LRWD1: variants seen among roughly 807,000 people sequenced by gnomAD.
LRWD1 encodes leucine-rich repeat and WD repeat-containing protein 1.
LRWD1 carries 76 observed loss-of-function variants against 75.6 expected under a neutral mutation model. That is an observed-to-expected ratio of 1.01 (90% confidence interval 0.84 to 1.22). LRWD1 has a LOEUF of 1.22. LRWD1 is among the 50% of genes most tolerant of loss of function. The pLI, the probability that LRWD1 is intolerant of heterozygous loss-of-function variation, is 0.00. For missense variants in LRWD1, 917 were observed against 862.0 expected (o/e 1.06, Z -0.80); for synonymous variants, 487 against 377.0 (o/e 1.29, Z -3.38).
intron 11 of LRWD1, chr7:102,471,840 C>G: frequency 4.3e-6 from 1 of 235,154 alleles, no homozygotes; most frequent in Admixed American, 5.1e-5. Context: ...GCAGATGCCC[C>G]CAACAGCCCC....
intron 11 of LRWD1, 129 bp from the exon 12 acceptor site, chr7:102,472,089 T>C (rs1798209841): frequency 3.7e-6 from 3 of 810,720 alleles, no homozygotes; most frequent in Middle Eastern, 3.5e-4. Context: ...ATGTATCTCT[T>C]TGGTGGCATC....
At chr7:102,467,288 TCCGGAGGAGCTGGGGTGGGCCGGGC>T in intron 3 of LRWD1, 26 bp from the exon 4 acceptor site, 1 of 1,546,590 alleles carries the variant, frequency 6.5e-7, no homozygotes, top group Non-Finnish European at 8.7e-7. Flanking sequence ...GAGGGCTGGG[TCCGGAGGAGCTGGGGTGGGCCGGGC>T]CTGGATCTGG....
chr7:102,466,096 CTG>C, intron 2 of LRWD1, 45 bp downstream of exon 2: 2 of 1,612,546 alleles, frequency 1.2e-6, no homozygotes, highest in East Asian at 4.5e-5. Context: ...GGCCAGGACT[CTG>C]TTGGGCTCAG....
rs1007523343 is a variant in LRWD1, at chr7:102,465,489, C to CTT, written c.81-293_81-292dup. On this transcript the variant is annotated intron_variant, in intron 1 of 14. Coordinates refer to ENST00000292616, the MANE Select transcript of LRWD1 (RefSeq NM_152892.3). ...CCCCCGAGTCCTAAAGTAGTTGCAG[C>CTT]TTTTTTTTTTTTTTTTTTTTTTTTT... 466 of 73,588 alleles carry CTT rather than the reference C, an allele frequency of 6.3e-3. 36 individuals are homozygous for CTT. Among genetic ancestry groups the CTT allele is most frequent in the Non-Finnish European group, 8.6e-3 (310 of 35,888 alleles). 4.6% of individuals were successfully genotyped at this position (73,588 alleles called of 1,614,324 possible).
intron 3 of LRWD1, 47 bp downstream of exon 3, chr7:102,466,317 T>C (rs775099065): frequency 1.4e-6 from 2 of 1,473,226 alleles, no homozygotes; most frequent in South Asian, 1.1e-5. Flanking sequence ...TGTGGGGGCA[T>C]TGGGAGAATG....
rs1797932813 is a variant in LRWD1, at chr7:102,465,488, G to GTTTTTTTTTTTTTTTTTTTTT, written c.80+328_81-328insTTTTTTTTTTTTTTTTTTTTT. Reference sequence around the variant, plus strand: ...GCCCCCGAGTCCTAAAGTAGTTGCAGCTTTTTTTTTTTTTTTTTTTTTTTT... The same window carrying GTTTTTTTTTTTTTTTTTTTTT: ...GCCCCCGAGTCCTAAAGTAGTTGCAGTTTTTTTTTTTTTTTTTTTTTCTTTTTTTTTTTTTTTTTTTTTTTT... On this transcript the variant is annotated intron_variant, in intron 1 of 14. Coordinates refer to ENST00000292616, the MANE Select transcript of LRWD1 (RefSeq NM_152892.3). 6 of 107,662 alleles carry GTTTTTTTTTTTTTTTTTTTTT rather than the reference G, an allele frequency of 5.6e-5. 2 individuals carry two copies. The highest frequency in any genetic ancestry group is 2.2e-4 in the Admixed American group (2 of 8,956). The allele number at this position is 107,662 out of a possible 1,614,324, so 6.7% of individuals were successfully genotyped here.
In LRWD1 at chr7:102,469,047, G is replaced by A. The variant is rs535806746; in HGVS notation, c.1213G>A (p.Glu405Lys). ...IATLCFSPAH[E>K]THLFTASYDK... ...CACCCTGTGCTTCAGCCCCGCCCAC[G>A]AGACCCATCTCTTCAGTAAGCCCCT... Residue 405 changes from glutamate to lysine, a missense_variant, in exon 9 of 15, where the codon GAG becomes AAG. Coordinates refer to ENST00000292616, the MANE Select transcript of LRWD1 (RefSeq NM_152892.3). 19 of 1,606,950 alleles carry A rather than the reference G, an allele frequency of 1.2e-5. No individual in the cohort carries two copies. The African/African-American group carries it at 1.2e-4, about 10-fold the overall frequency.
At chr7:102,466,310 G>A (rs1213364757) in intron 3 of LRWD1, 40 bp downstream of exon 3, 1 of 1,497,272 alleles carries the variant, frequency 6.7e-7, no homozygotes, top group Non-Finnish European at 9.3e-7. Flanking sequence ...TAGGAGCTGT[G>A]GGGGCATTGG....
Position 102,467,171 on chromosome 7 carries a change from G to GTGTGTGTGTGTGTGT in LRWD1, c.433-168_433-167insTGTGTGTGTGTGTGT, listed in dbSNP as rs1554579596. On this transcript the variant is annotated intron_variant, in intron 3 of 14. Transcript: ENST00000292616. The stretch of plus-strand genomic sequence containing the variant: ...TGGGTTGTTGCTGGGGTGTGTGTGG[G>GTGTGTGTGTGTGTGT]GTGTGTGTGTGTGTGTGTGTGTGTG... Among the ~76,000 whole-genome samples, 52 of 99,146 alleles carry GTGTGTGTGTGTGTGT rather than the reference G, an allele frequency of 5.2e-4. 2 individuals carry two copies. Among genetic ancestry groups the GTGTGTGTGTGTGTGT allele is most frequent in the African/African-American group, 1.6e-3 (36 of 22,810 alleles). The allele number at this position is 99,146 out of a possible 152,430, so 65.0% of individuals were successfully genotyped here.
rs777355392 is a variant in LRWD1, at chr7:102,465,860, C to CT, written c.125dup (p.Leu43ProfsTer11). The CT allele has an allele frequency of 1.2e-6, 2 of 1,613,514 alleles. No individual in the cohort carries two copies. Among genetic ancestry groups the CT allele is most frequent in the Admixed American group, 3.3e-5 (2 of 60,010 alleles). Reference sequence around the variant, plus strand: ...GCTTTCCGAGCACCTGGACCCCAAACTCCTGTGCCGCCTGACGCAGCTGCA... The same window carrying CT: ...GCTTTCCGAGCACCTGGACCCCAAACTTCCTGTGCCGCCTGACGCAGCTGCA... On this transcript the variant is annotated frameshift_variant, in exon 2 of 15. Coordinates refer to ENST00000292616, the MANE Select transcript of LRWD1 (RefSeq NM_152892.3). LOFTEE classifies it high-confidence loss of function.
chr7:102,465,895 CCTGT>C lies in LRWD1; in HGVS notation c.162_165del (p.Ser55ThrfsTer49), dbSNP rs1481807763. 2.5e-6 allele frequency: 4 copies of C among 1,613,708 alleles called. No individual in the cohort carries two copies. Among genetic ancestry groups the C allele is most frequent in the Non-Finnish European group, 3.4e-6 (4 of 1,180,020 alleles). On this transcript the variant is annotated frameshift_variant, in exon 2 of 15. Transcript: ENST00000292616. LOFTEE classifies it high-confidence loss of function. ...GCCTGACGCAGCTGCAGGAGCTTGA[CCTGT>C]CTAACAACCACCTGGAGACGCTGCC...
chr7:102,468,418 T>C (rs1197533371), intron 7 of LRWD1, 41 bp downstream of exon 7: 2 of 1,556,918 alleles, frequency 1.3e-6, no homozygotes, highest in African/African-American at 1.4e-5. Context: ...CCGCTGGAAA[T>C]AGGGCCGCCT....
chr7:102,467,918 G>T, intron 5 of LRWD1, 95 bp downstream of exon 5: 1 of 1,500,038 alleles, frequency 6.7e-7, no homozygotes, highest in Non-Finnish European at 9.0e-7. Flanking sequence ...TGCCCAGGAA[G>T]CACCCCAGGT....
chr7:102,468,232 G>T (rs772193774), intron 6 of LRWD1, 31 bp from the exon 7 acceptor site: 1 of 1,599,020 alleles, frequency 6.3e-7, no homozygotes, highest in East Asian at 2.3e-5. Context: ...AGTCGGGGCT[G>T]GGCAGCTGTG....
Position 102,472,527 on chromosome 7 carries a change from G to T in LRWD1, c.1608G>T (p.Gln536His). The T allele has an allele frequency of 1.3e-6, 2 of 1,577,318 alleles. No individual in the cohort carries two copies. The highest frequency in any genetic ancestry group is 1.7e-6 in the Non-Finnish European group (2 of 1,163,118). ...AGACGTGGGGGGGCCGGGGCAGCCA[G>T]TCCACGGTGGCAGTGGTGGTCCTGG... ...WRQTWGGRGSQSTVAVVVLAR... is the reference protein window; with the variant it reads ...WRQTWGGRGSHSTVAVVVLAR... Residue 536 changes from glutamine to histidine, a missense_variant, in exon 13 of 15, where the codon CAG (glutamine) becomes CAT (histidine). Gln to His is a conservative substitution (Grantham distance 24, BLOSUM62 0). Transcript: ENST00000292616.
At chr7:102,465,267 G>A in intron 1 of LRWD1, 107 bp downstream of exon 1, 1 of 1,113,362 alleles carries the variant, frequency 9.0e-7, no homozygotes, top group Non-Finnish European at 1.2e-6. Flanking sequence ...CGCCCTCTGG[G>A]TTCGGCAGAG....
In LRWD1 at chr7:102,465,055, G is replaced by A. The variant is rs1298430123; in HGVS notation, c.-26G>A. On this transcript the variant is annotated 5_prime_UTR_variant, in exon 1 of 15. Coordinates refer to ENST00000292616, the MANE Select transcript of LRWD1 (RefSeq NM_152892.3). ...GCCACACGCCGGGGTGGCCGACTGG[G>A]TCAGCGCGGGCTGCGCCTCCTCGCC... is the stretch of plus-strand genomic sequence containing the variant. 3 of 1,473,002 alleles carry A rather than the reference G, an allele frequency of 2.0e-6. No homozygotes were observed. Among genetic ancestry groups the A allele is most frequent in the Non-Finnish European group, 2.7e-6 (3 of 1,113,072 alleles). 91.2% of individuals were successfully genotyped at this position (1,473,002 alleles called of 1,614,324 possible).
intron 3 of LRWD1, among the ~76,000 whole-genome samples, 168 bp from the exon 4 acceptor site, chr7:102,467,171 G>GTGTGTGTGTATGTGTGTGTGTGTGTGTGT (rs1554579596): frequency 1.0e-4 from 10 of 99,148 alleles, no homozygotes; most frequent in Admixed American, 2.2e-4. Flanking sequence ...GTGTGTGTGG[G>GTGTGTGTGTATGTGTGTGTGTGTGTGTGT]GTGTGTGTGT....
chr7:102,466,253 C>T lies in LRWD1; in HGVS notation c.415C>T (p.Arg139Trp), dbSNP rs77479583. ...STYSQVENLN[R>W]ELTSRVTAHW... ...TTACTCTCAGGTGGAGAACCTGAAT[C>T]GGGAGCTGACCAGCAGGGTAAGGGG... The change falls in exon 3 of 15, where the codon CGG (arginine) becomes TGG (tryptophan). Residue 139 changes from arginine (R) to tryptophan (W), a missense_variant. Physicochemically the swap from Arg to Trp is moderately radical, Grantham distance 101. Transcript: ENST00000292616. 248 of 1,613,690 alleles carry T rather than the reference C, an allele frequency of 1.5e-4. No individual in the cohort carries two copies. Among genetic ancestry groups the T allele is most frequent in the Non-Finnish European group, 2.0e-4 (233 of 1,179,678 alleles).
Sources: gnomAD v4.1 joint callset for allele counts (sites outside exome capture counted in the v4.1 genomes callset) on GRCh38, gnomAD v4.1.1 for gene constraint, MANE v1.5 for transcripts, NCBI Gene and HGNC (gene_info 2026-07-23, HGNC 2026-07-21) for gene names.